The following GOLGA8B variants were observed in gnomAD, a reference collection of about 807,000 sequenced individuals.
The protein encoded by GOLGA8B is golgin subfamily A member 8B.
A neutral mutation model predicts 15.6 loss-of-function variants in GOLGA8B; 1 was observed. The ratio of observed to expected loss-of-function variants is 0.06; its 90% CI spans 0.02 to 0.30. The LOEUF (loss-of-function observed/expected upper bound fraction) is 0.30. GOLGA8B is among the 10% of genes least tolerant of loss of function. The pLI, the probability that GOLGA8B is intolerant of heterozygous loss-of-function variation, is 1.00. For missense variants in GOLGA8B, 17 were observed against 201.3 expected, an observed-to-expected ratio of 0.08 and a Z score of 5.54; for synonymous variants, 9 against 80.3, an observed-to-expected ratio of 0.11 and a Z score of 4.75.
At chr15:34,581,897 C>T (rs570480110) in intron 1 of GOLGA8B, among the ~76,000 whole-genome samples, 6 of 152,302 alleles carry the variant, frequency 3.9e-5, no homozygotes, top group African/African-American at 1.4e-4. Context: ...GCCAGGGAGC[C>T]CACTCCAAGG....
In GOLGA8B at chr15:34,525,564, C is replaced by T. The variant is rs3200769; in HGVS notation, c.*2068G>A. Reference sequence around the variant, plus strand: ...TCAGAACATAAAGATAGCAGTTACACTTTTAAATATTTATATTATTTTAAA... The same window carrying T: ...TCAGAACATAAAGATAGCAGTTACATTTTTAAATATTTATATTATTTTAAA... On this transcript the variant is annotated 3_prime_UTR_variant, in exon 24 of 24. Coordinates refer to ENST00000683415, the MANE Select transcript of GOLGA8B (RefSeq NM_001023567.5). 81,390 of 149,044 alleles carry T rather than the reference C, an allele frequency of 0.55. 25,313 individuals carry two copies. The highest frequency in any genetic ancestry group is 0.63 in the African/African-American group (25,299 of 40,302). 9.2% of individuals were successfully genotyped at this position (149,044 alleles called of 1,614,324 possible). A position where few individuals can be genotyped will look rare whatever the true frequency, so the allele number is the denominator to read the frequency against.
chr15:34,575,551 A>G (rs937134667), intron 1 of GOLGA8B, among the ~76,000 whole-genome samples: 1 of 151,382 alleles, frequency 6.6e-6, no homozygotes, highest in African/African-American at 2.4e-5. Context: ...CCCAACCCCC[A>G]TCTCCAGCTC....
chr15:34,556,853 G>A (rs540294490), intron 1 of GOLGA8B: 4 of 691,032 alleles, frequency 5.8e-6, no homozygotes, highest in African/African-American at 1.8e-5. Context: ...GGAGCAGAGG[G>A]GCCCTAGAGC....
intron 1 of GOLGA8B, chr15:34,582,999 C>G (rs1481870115): frequency 6.6e-6 from 1 of 152,176 alleles, no homozygotes; most frequent in African/African-American, 2.4e-5. Context: ...CTCTCTGGGC[C>G]TTATTATACA....
chr15:34,556,849 G>A (rs1285699908), intron 1 of GOLGA8B: 6 of 679,804 alleles, frequency 8.8e-6, no homozygotes, highest in Non-Finnish European at 1.2e-5. Context: ...GAAGGGAGCA[G>A]AGGGGCCCTA....
At chr15:34,571,206 G>C (rs2140351232) in intron 1 of GOLGA8B, among the ~76,000 whole-genome samples, 1 of 152,240 alleles carries the variant, frequency 6.6e-6, no homozygotes, top group East Asian at 1.9e-4. Context: ...CCTACTACTT[G>C]GGAGGCTGAG....
intron 4 of GOLGA8B, among the ~76,000 whole-genome samples, chr15:34,550,882 A>G (rs1383263979): frequency 7.7e-6 from 1 of 130,126 alleles, no homozygotes; most frequent in African/African-American, 3.1e-5. Flanking sequence ...ATAGTCCAAG[A>G]CACTTGGGAG....
intron 1 of GOLGA8B, among the ~76,000 whole-genome samples, chr15:34,582,343 A>G (rs199614225): frequency 6.6e-6 from 1 of 152,250 alleles, no homozygotes; most frequent in African/African-American, 2.4e-5. Flanking sequence ...AAGCTCTCAG[A>G]TCATTATTTC....
chr15:34,560,114 AG>A (rs1396128730), intron 1 of GOLGA8B, among the ~76,000 whole-genome samples: 1 of 150,336 alleles, frequency 6.7e-6, no homozygotes, highest in African/African-American at 2.5e-5. Flanking sequence ...CAGGAGTGGA[AG>A]GAACACAGAT....
chr15:34,578,271 C>T (rs1376712177), intron 1 of GOLGA8B, among the ~76,000 whole-genome samples: 1 of 152,206 alleles, frequency 6.6e-6, no homozygotes, highest in East Asian at 1.9e-4. Flanking sequence ...TGTTAGCCAC[C>T]TTCCTGGAGG....
intron 1 of GOLGA8B, chr15:34,581,518 G>A (rs1351195509): frequency 2.6e-5 from 4 of 151,924 alleles, no homozygotes; most frequent in African/African-American, 9.7e-5. Flanking sequence ...GGATATTTAT[G>A]CAGCTCCATT....
In GOLGA8B at chr15:34,572,298, A is replaced by G. The variant is rs145329678; in HGVS notation, c.-1123+11218T>C. On this transcript the variant is annotated intron_variant, in intron 1 of 23. Transcript: ENST00000683415. ...GAATGCCCAAACCATTCAGCCCCGC[A>G]AGTCCACTTCTAGGAATCTATGCTA... 4.1e-3 allele frequency among the ~76,000 whole-genome samples: 622 copies of G among 152,310 alleles called. 7 individuals are homozygous for G. Among genetic ancestry groups the G allele is most frequent in the African/African-American group, 0.014 (594 of 41,570 alleles).
chr15:34,564,629 C>T (rs11855601), intron 1 of GOLGA8B, among the ~76,000 whole-genome samples: 21,978 of 143,126 alleles, frequency 0.15, 1,428 homozygotes, highest in Admixed American at 0.26. Flanking sequence ...TGTCTCTGCA[C>T]TGACCAAATA....
intron 1 of GOLGA8B, among the ~76,000 whole-genome samples, chr15:34,569,587 G>T (rs1384604455): frequency 2.0e-5 from 3 of 151,854 alleles, no homozygotes; most frequent in African/African-American, 7.2e-5. Flanking sequence ...AAGGCACTAG[G>T]TTGGCTGCTT....
chr15:34,580,509 C>T (rs1170692443), intron 1 of GOLGA8B, among the ~76,000 whole-genome samples: 5 of 152,160 alleles, frequency 3.3e-5, no homozygotes, highest in African/African-American at 7.2e-5. Flanking sequence ...CCTGGCTGCA[C>T]GACCTTGAGG....
At chr15:34,546,791 G>A (rs1183417610) in intron 5 of GOLGA8B, 144 bp downstream of exon 5, 3 of 73,034 alleles carry the variant, frequency 4.1e-5, no homozygotes, top group Admixed American at 2.9e-4. Flanking sequence ...GCATATGGAT[G>A]TATGATTTAA....
intron 1 of GOLGA8B, among the ~76,000 whole-genome samples, chr15:34,562,621 A>C (rs1888651895): frequency 1.5e-5 from 2 of 132,318 alleles, no homozygotes; most frequent in Admixed American, 1.5e-4. Context: ...TTTTGGTCTT[A>C]TTTTTCTTTC....
chr15:34,574,503 C>T (rs992739870), intron 1 of GOLGA8B, among the ~76,000 whole-genome samples: 1 of 151,856 alleles, frequency 6.6e-6, no homozygotes, highest in Non-Finnish European at 1.5e-5. Flanking sequence ...TGAGGTCTCC[C>T]TGTGTTGCCC....
chr15:34,556,873 C>G, intron 1 of GOLGA8B: 1 of 791,754 alleles, frequency 1.3e-6, no homozygotes, highest in South Asian at 1.6e-5. Context: ...CAAGGGACCT[C>G]AGGGTACAGG....
Sources: gnomAD v4.1 joint callset for allele counts (sites outside exome capture counted in the v4.1 genomes callset) on GRCh38, gnomAD v4.1.1 for gene constraint, MANE v1.5 for transcripts, NCBI Gene and HGNC (gene_info 2026-07-23, HGNC 2026-07-21) for gene names.